The following MYO7A variants were observed in gnomAD, a reference collection of about 807,000 sequenced individuals.
MYO7A encodes the protein myosin VIIA.
Under a neutral mutation model 263.8 loss-of-function variants are expected in MYO7A, and 210 were observed. That is an observed-to-expected ratio of 0.80 (90% CI 0.71 to 0.89). The LOEUF (loss-of-function observed/expected upper bound fraction) is 0.89. MYO7A is among the 40% of genes least tolerant of loss of function. The pLI, the probability that MYO7A is intolerant of heterozygous loss-of-function variation, is 0.00. For synonymous variants in MYO7A, 1,239 were observed against 1,197.3 expected (o/e 1.03, Z -0.72); for missense variants, 2,820 against 2,968.3 (o/e 0.95, Z 1.16).
chr11:77,130,734 C>A, intron 2 of MYO7A, 82 bp downstream of exon 2: 1 of 1,471,030 alleles, frequency 6.8e-7, no homozygotes, highest in Non-Finnish European at 9.4e-7. Context: ...GGGACACCCT[C>A]CCCAGGGTGT....
chr11:77,172,817 C>G lies in MYO7A; in HGVS notation c.1867C>G (p.Arg623Gly). 1 of 1,553,812 alleles carries G rather than the reference C, an allele frequency of 6.4e-7. No homozygotes were observed. The highest frequency in any genetic ancestry group is 8.7e-7 in the Non-Finnish European group (1 of 1,148,482). ...QFKRSLELLMRTLGACQPFFV... is the reference protein window; with the variant it reads ...QFKRSLELLMGTLGACQPFFV... ...CAAGCGGTCACTGGAGCTGCTGATG[C>G]GCACGCTGGGTGCCTGCCAGCCCTT... Residue 623 changes from arginine (R) to glycine (G), a missense_variant, in exon 16 of 49, where the codon CGC becomes GGC. Transcript: ENST00000409709.
chr11:77,207,307 A>G lies in MYO7A; in HGVS notation c.5761A>G (p.Ser1921Gly), dbSNP rs1488185898. ...CTCCCAGGCCTTCGAAGTGGAGTCC[A>G]GCACCAAGGCCAAGGACTTCTGCCA... ...DTDEAFEVES[S>G]TKAKDFCQNI... Residue 1921 changes from serine (S) to glycine (G), a missense_variant, in exon 42 of 49, where the codon AGC becomes GGC. Physicochemically the swap from Ser to Gly is moderately conservative, Grantham distance 56. Transcript: ENST00000409709. The G allele has an allele frequency of 1.2e-6, 2 of 1,611,676 alleles. No individual in the cohort carries two copies. The highest frequency in any genetic ancestry group is 1.7e-6 in the Non-Finnish European group (2 of 1,178,988).
At chr11:77,160,096 G>A (rs1555067337) in intron 10 of MYO7A, 67 bp from the exon 11 acceptor site, 4 of 1,520,114 alleles carry the variant, frequency 2.6e-6, no homozygotes, top group Non-Finnish European at 3.5e-6. Context: ...GAAAGTGGAG[G>A]GATCCGGGTG....
intron 2 of MYO7A, among the ~76,000 whole-genome samples, chr11:77,134,943 C>T (rs1320825930): frequency 1.3e-5 from 2 of 152,170 alleles, no homozygotes; most frequent in African/African-American, 4.8e-5. Flanking sequence ...TGCCACCATG[C>T]CCAGCTAATT....
At position 77,180,365 on chromosome 11, in the gene MYO7A, T is replaced by C; in HGVS notation, c.2587-9T>C. 1 of 1,610,792 alleles carries C rather than the reference T, an allele frequency of 6.2e-7. No homozygotes were observed. Among genetic ancestry groups the C allele is most frequent in the South Asian group, 1.1e-5 (1 of 90,504 alleles). The stretch of plus-strand genomic sequence containing the variant: ...ATTTCCATGCCCTCTGGATGCCCCC[T>C]TCCCTCAGTATCTGTGGCGCCTCGA... On this transcript the variant is annotated splice_polypyrimidine_tract_variant and intron_variant, in intron 21 of 48. Coordinates refer to ENST00000409709, the MANE Select transcript of MYO7A (RefSeq NM_000260.4).
In MYO7A at chr11:77,181,438, C is replaced by G. The variant is rs1955174536; in HGVS notation, c.2753C>G (p.Ala918Gly). The change falls in exon 23 of 49, where the codon GCC becomes GGC. Residue 918 changes from alanine (A) to glycine (G), a missense_variant. Coordinates refer to ENST00000409709, the MANE Select transcript of MYO7A (RefSeq NM_000260.4). ...DAERELKEKE[A>G]ARRKKELLEQ... ...GAGCGGGAGCTGAAGGAGAAGGAGG[C>G]CGCTCGGCGGAAGAAGGAGCTCCTG... 6.3e-7 allele frequency: 1 copy of G among 1,599,736 alleles called. No homozygotes were observed. The highest frequency in any genetic ancestry group is 8.5e-7 in the Non-Finnish European group (1 of 1,173,752).
chr11:77,205,340 G>A (rs1957371725), intron 39 of MYO7A, 122 bp from the exon 40 acceptor site: 1 of 1,208,202 alleles, frequency 8.3e-7, no homozygotes, highest in Admixed American at 2.4e-5. Context: ...GTAAAGGTCA[G>A]GAGGGACGGT....
At position 77,160,268 on chromosome 11, in the gene MYO7A, G is replaced by A. The variant is rs375867186; in HGVS notation, c.1186G>A (p.Asp396Asn). The A allele has an allele frequency of 2.2e-5, 34 of 1,566,052 alleles. 1 individual carries two copies. The highest frequency in any genetic ancestry group is 4.8e-5 in the East Asian group (2 of 41,858). ...CAGGGAACAGGCACTGGACGTGCGC[G>A]ACGCCTTCGTAAAGGTGGGCTGGAG... ...LSREQALDVR[D>N]AFVKGIYGRL... The change falls in exon 11 of 49, where the codon GAC becomes AAC. Residue 396 changes from aspartate (D) to asparagine (N), a missense_variant. Physicochemically the swap from Asp to Asn is conservative, Grantham distance 23. Coordinates refer to ENST00000409709, the MANE Select transcript of MYO7A (RefSeq NM_000260.4).
chr11:77,183,477 G>T (rs1382565340), intron 26 of MYO7A, among the ~76,000 whole-genome samples: 3 of 152,256 alleles, frequency 2.0e-5, no homozygotes, highest in Non-Finnish European at 4.4e-5. Context: ...CGAGGCACTT[G>T]GTCCAAGGAC....
In MYO7A at chr11:77,194,469, C is replaced by T. The variant is rs779964645; in HGVS notation, c.4268C>T (p.Thr1423Met). Residue 1423 changes from threonine (T) to methionine (M), a missense_variant, in exon 32 of 49, where the codon ACG becomes ATG. Thr to Met is a moderately conservative substitution (Grantham distance 81). Coordinates refer to ENST00000409709, the MANE Select transcript of MYO7A (RefSeq NM_000260.4). ...ACCTACATCCCCGACCGCGAGATCACGCCCCTGAAGACGCTGGAGAAGTGG... is the reference window on the plus strand; with the variant it reads ...ACCTACATCCCCGACCGCGAGATCATGCCCCTGAAGACGCTGGAGAAGTGG... ...VPTYIPDREI[T>M]PLKTLEKWAQ... is the part of the protein sequence containing the mutation. 45 of 1,609,426 alleles carry T rather than the reference C, an allele frequency of 2.8e-5. No homozygotes were observed. The highest frequency in any genetic ancestry group is 3.3e-5 in the Non-Finnish European group (39 of 1,178,008).
rs869707 is a variant in MYO7A, at chr11:77,214,350, T to C, written c.6559-257T>C. Reference sequence around the variant, plus strand: ...CAACTGAGAGCCAGTAGGGTCACTCTTGGAGGGAGGGATCCGTGACTTGAG... The same window carrying C: ...CAACTGAGAGCCAGTAGGGTCACTCCTGGAGGGAGGGATCCGTGACTTGAG... On this transcript the variant is annotated intron_variant, in intron 48 of 48. Coordinates refer to ENST00000409709, the MANE Select transcript of MYO7A (RefSeq NM_000260.4). 0.92 allele frequency among the ~76,000 whole-genome samples: 140,182 copies of C among 152,222 alleles called. 64,845 individuals carry two copies. Among genetic ancestry groups the C allele is most frequent in the Non-Finnish European group, 0.97 (66,022 of 68,036 alleles).
chr11:77,130,316 G>A (rs1460760856), intron 1 of MYO7A, among the ~76,000 whole-genome samples: 1 of 152,226 alleles, frequency 6.6e-6, no homozygotes, highest in Non-Finnish European at 1.5e-5. Context: ...TCCCTGGTGG[G>A]GCCAGACTTG....
intron 26 of MYO7A, among the ~76,000 whole-genome samples, chr11:77,184,351 G>A (rs1234666558): frequency 2.0e-5 from 3 of 152,178 alleles, no homozygotes; most frequent in African/African-American, 7.2e-5. Flanking sequence ...GGCCAGAGGA[G>A]CTCTGTCCCC....
chr11:77,160,142 C>G lies in MYO7A; in HGVS notation c.1081-21C>G, dbSNP rs782235188. On this transcript the variant is annotated intron_variant, in intron 10 of 48. Transcript: ENST00000409709. ...GAGGGGCAGGCTGGCAGGTGAGCAC[C>G]TGGGGTGTTGCCTGTACCAGGTGAA... 2.1e-5 allele frequency: 33 copies of G among 1,548,746 alleles called. No individual in the cohort carries two copies. In the South Asian group the frequency reaches 3.3e-4, roughly 16 times the overall value.
intron 3 of MYO7A, among the ~76,000 whole-genome samples, chr11:77,147,056 G>T (rs1234546462): frequency 2.6e-5 from 4 of 152,066 alleles, no homozygotes; most frequent in Non-Finnish European, 5.9e-5. Flanking sequence ...CACACCTCTT[G>T]CTCCCACAGG....
In MYO7A at chr11:77,203,150, G is replaced by A. The variant is rs370062187; in HGVS notation, c.5259G>A (p.Lys1753=). 233 of 1,551,074 alleles carry A rather than the reference G, an allele frequency of 1.5e-4. 1 individual carries two copies. In the African/African-American group the frequency reaches 2.9e-3, roughly 20 times the overall value. The change falls in exon 38 of 49, where the codon AAG becomes AAA. Residue 1753 remains lysine (K), a synonymous_variant. Transcript: ENST00000409709. ...GGAGCCACACGCGGGAACCGCTCAA[G>A]CAGGCGCTGCTCAAGAAGCTCCTGG... The part of the protein sequence containing the change: ...RLWSHTREPL[K]QALLKKLLGS...
rs869707 is a variant in MYO7A at position 77,214,350 on chromosome 11, T to G, written c.6559-257T>G. Among the ~76,000 whole-genome samples the G allele has an allele frequency of 3.3e-5, 5 of 152,250 alleles. No homozygotes were observed. The South Asian group carries it at 8.3e-4, about 25-fold the overall frequency. The stretch of plus-strand genomic sequence containing the variant: ...CAACTGAGAGCCAGTAGGGTCACTC[T>G]TGGAGGGAGGGATCCGTGACTTGAG... On this transcript the variant is annotated intron_variant, in intron 48 of 48. Coordinates refer to ENST00000409709, the MANE Select transcript of MYO7A (RefSeq NM_000260.4).
At chr11:77,196,491 T>C (rs1275949358) in intron 32 of MYO7A, among the ~76,000 whole-genome samples, 2 of 152,194 alleles carry the variant, frequency 1.3e-5, no homozygotes, top group African/African-American at 4.8e-5. Flanking sequence ...ATAACAGGTG[T>C]TTTGAAAACA....
intron 15 of MYO7A, among the ~76,000 whole-genome samples, chr11:77,169,216 G>A (rs185917020): frequency 1.4e-3 from 210 of 152,314 alleles, no homozygotes; most frequent in African/African-American, 4.7e-3. Flanking sequence ...TCCCATCATC[G>A]GCAGATCCCC....
Sources: allele counts gnomAD v4.1 joint callset (sites outside exome capture counted in the v4.1 genomes callset), GRCh38; gene constraint gnomAD v4.1.1; transcripts MANE v1.5; gene names NCBI Gene and HGNC (gene_info 2026-07-23, HGNC 2026-07-21).